SUSD4: variants seen among roughly 807,000 people sequenced by gnomAD.
SUSD4 encodes the protein sushi domain-containing protein 4.
A neutral mutation model predicts 50.5 loss-of-function variants in SUSD4; 41 were observed. The observed-to-expected ratio is 0.81, with a 90% confidence interval of 0.63 to 1.05. The LOEUF (loss-of-function observed/expected upper bound fraction) is 1.05. SUSD4 is among the 50% of genes least tolerant of loss of function. The pLI, the probability that SUSD4 is intolerant of heterozygous loss-of-function variation, is 0.00. For missense variants in SUSD4, 580 were observed against 634.7 expected, an observed-to-expected ratio of 0.91 and a Z score of 0.93; for synonymous variants, 257 against 257.3, an observed-to-expected ratio of 1.00 and a Z score of 0.01.
intron 5 of SUSD4, among the ~76,000 whole-genome samples, chr1:223,237,118 C>G (rs1071171): frequency 0.35 from 53,309 of 151,712 alleles, 9,531 homozygotes; most frequent in Non-Finnish European, 0.39. Flanking sequence ...TAATGTAAAT[C>G]GTATTGTGTT....
At chr1:223,299,711 G>A (rs1209024773) in intron 2 of SUSD4, among the ~76,000 whole-genome samples, 3 of 152,158 alleles carry the variant, frequency 2.0e-5, no homozygotes, top group Admixed American at 6.5e-5. Flanking sequence ...TAAGGTGGGT[G>A]GGCCTCATCC....
chr1:223,361,554 G>A (rs1168061436), intron 2 of SUSD4, among the ~76,000 whole-genome samples: 1 of 152,068 alleles, frequency 6.6e-6, no homozygotes, highest in Non-Finnish European at 1.5e-5. Flanking sequence ...AGACCGAGGT[G>A]GCCATGATGT....
chr1:223,292,410 T>C, intron 3 of SUSD4, 29 bp downstream of exon 3: 1 of 1,613,130 alleles, frequency 6.2e-7, no homozygotes, highest in Non-Finnish European at 8.5e-7. Flanking sequence ...ACCACATGAG[T>C]GGCTTCCGTG....
intron 2 of SUSD4, among the ~76,000 whole-genome samples, chr1:223,316,387 C>T (rs922950148): frequency 2.0e-5 from 3 of 152,070 alleles, no homozygotes; most frequent in Admixed American, 6.5e-5. Flanking sequence ...ACAGGGTTAT[C>T]GCTAGGAATG....
In SUSD4 at chr1:223,314,418, C is replaced by T. The variant is rs746670476; in HGVS notation, c.149-21767G>A. Among the ~76,000 whole-genome samples the T allele has an allele frequency of 3.9e-5, 6 of 152,194 alleles. No individual in the cohort carries two copies. In the Middle Eastern group the frequency reaches 0.01, roughly 259 times the overall value. On this transcript the variant is annotated intron_variant, in intron 2 of 8. Transcript: ENST00000366878. ...CATCTAAGACTCAGGGTAGGATGCT[C>T]GTTGGTGAGCAGTGATGATGCCATG... is the stretch of plus-strand genomic sequence containing the variant.
chr1:223,281,990 CAT>C (rs1373972684), intron 3 of SUSD4, among the ~76,000 whole-genome samples: 2 of 152,198 alleles, frequency 1.3e-5, no homozygotes, highest in East Asian at 3.9e-4. Context: ...ACAAAAACCA[CAT>C]GATTATCTCA....
intron 2 of SUSD4, 66 bp from the exon 3 acceptor site, chr1:223,292,717 C>G (rs568137133): frequency 3.5e-5 from 53 of 1,532,154 alleles, no homozygotes; most frequent in Non-Finnish European, 4.5e-5. Context: ...GGCCTTCCTA[C>G]ATAAATGGCA....
chr1:223,292,521 G>A lies in SUSD4; in HGVS notation c.279C>T (p.Gly93=), dbSNP rs529890650. 7.7e-5 allele frequency: 124 copies of A among 1,614,110 alleles called. 2 individuals carry two copies. The South Asian group carries it at 9.7e-4, about 13-fold the overall frequency. The change falls in exon 3 of 9, where the codon GGC becomes GGT. Residue 93 remains glycine (G), a synonymous_variant. Coordinates refer to ENST00000366878, the MANE Select transcript of SUSD4 (RefSeq NM_017982.4). ...GCTTCAAACACAGTCTCTTTGTAGC[G>A]CCCTTCAGCTTGAATCCGTCTTGGC... is the stretch of plus-strand genomic sequence containing the variant. ...FHCQDGFKLK[G]ATKRLCLKHF...
At chr1:223,286,261 G>A (rs1204326321) in intron 3 of SUSD4, among the ~76,000 whole-genome samples, 5 of 152,136 alleles carry the variant, frequency 3.3e-5, no homozygotes, top group East Asian at 1.9e-4. Flanking sequence ...GACTACAGAC[G>A]CCTGCCACCA....
intron 3 of SUSD4, among the ~76,000 whole-genome samples, chr1:223,283,711 C>T (rs1477084130): frequency 1.3e-5 from 2 of 152,196 alleles, no homozygotes; most frequent in Admixed American, 6.5e-5. Flanking sequence ...TACCATTTGA[C>T]CCAGCCATCC....
chr1:223,236,140 G>T (rs908000563), intron 5 of SUSD4, among the ~76,000 whole-genome samples: 3 of 152,130 alleles, frequency 2.0e-5, no homozygotes, highest in Admixed American at 2.0e-4. Context: ...ATGCTTGTTT[G>T]CCATCTGTAT....
intron 5 of SUSD4, among the ~76,000 whole-genome samples, chr1:223,253,955 A>C (rs1192578325): frequency 1.3e-5 from 2 of 152,260 alleles, no homozygotes; most frequent in African/African-American, 2.4e-5. Flanking sequence ...TCACAAAATA[A>C]AGACCTCAGC....
intron 3 of SUSD4, among the ~76,000 whole-genome samples, chr1:223,269,720 C>G (rs1265993153): frequency 6.6e-6 from 1 of 152,172 alleles, no homozygotes; most frequent in Non-Finnish European, 1.5e-5. Context: ...AAGGCAAAAA[C>G]CAAGAACAGC....
chr1:223,225,472 C>A (rs890818686), intron 7 of SUSD4, among the ~76,000 whole-genome samples: 1 of 152,148 alleles, frequency 6.6e-6, no homozygotes. Flanking sequence ...GGGAGACCAC[C>A]AAGACCATGC....
intron 5 of SUSD4, chr1:223,264,159 A>G: frequency 1.0e-6 from 1 of 985,434 alleles, no homozygotes; most frequent in Non-Finnish European, 1.2e-6. Flanking sequence ...TTTAATAAAA[A>G]CAGGGAGGAA....
intron 5 of SUSD4, chr1:223,263,704 T>C (rs1033733517): frequency 2.3e-5 from 23 of 985,224 alleles, no homozygotes; most frequent in African/African-American, 7.0e-5. Flanking sequence ...TTCTGAGCAA[T>C]AGTCACCCTC....
chr1:223,292,346 C>A (rs1664544186), intron 3 of SUSD4, 93 bp downstream of exon 3: 22 of 1,378,500 alleles, frequency 1.6e-5, no homozygotes, highest in Non-Finnish European at 2.0e-5. Context: ...GAGAGAAGAG[C>A]CCAGGGTATT....
At chr1:223,225,608 C>G (rs1659466675) in intron 7 of SUSD4, among the ~76,000 whole-genome samples, 1 of 152,214 alleles carries the variant, frequency 6.6e-6, no homozygotes, top group South Asian at 2.1e-4. Context: ...GACAATGATG[C>G]TCCCTTCCTC....
upstream of SUSD4, among the ~76,000 whole-genome samples, chr1:223,364,749 G>C (rs1669225289): frequency 6.6e-6 from 1 of 151,920 alleles, no homozygotes; most frequent in South Asian, 2.1e-4. The surrounding 1 kb of genome is among the most constrained non-coding windows in gnomAD (Gnocchi z 4.5). Flanking sequence ...GCGAGTGCGC[G>C]GCCGGCAGCT....
Sources: gnomAD v4.1 joint callset for allele counts (sites outside exome capture counted in the v4.1 genomes callset) on GRCh38, gnomAD v4.1.1 for gene constraint, Gnocchi (gnomAD v3.1) non-coding constraint, MANE v1.5 for transcripts, NCBI Gene and HGNC (gene_info 2026-07-23, HGNC 2026-07-21) for gene names.